The following FHAD1 variants were observed in gnomAD, a reference collection of about 807,000 sequenced individuals.
FHAD1 encodes forkhead-associated domain-containing protein 1.
Under a neutral mutation model 191.3 loss-of-function variants are expected in FHAD1, and 146 were observed. The ratio of observed to expected loss-of-function variants is 0.76; its 90% CI spans 0.67 to 0.88. The LOEUF (loss-of-function observed/expected upper bound fraction) is 0.88. FHAD1 is among the 40% of genes least tolerant of loss of function. The pLI is 0.00. For synonymous variants in FHAD1, 616 were observed against 672.3 expected, an observed-to-expected ratio of 0.92 and a Z score of 1.29; for missense variants, 1,635 against 1,785.8, an observed-to-expected ratio of 0.92 and a Z score of 1.52.
chr1:15,272,581 C>T lies in FHAD1; in HGVS notation c.300+52C>T, dbSNP rs542775831. ...GGGGCCATGTCGCCTTCGTGCAGCC[C>T]GGCGCTCGGATGCAGCTGCAGGGTG... On this transcript the variant is annotated intron_variant, in intron 3 of 33. Coordinates refer to ENST00000688493, the MANE Select transcript of FHAD1 (RefSeq NM_001391957.1). 112 of 1,488,496 alleles carry T rather than the reference C, an allele frequency of 7.5e-5. No homozygotes were observed. In the South Asian group the frequency reaches 1.2e-3, roughly 16 times the overall value. The allele number at this position is 1,488,496 out of a possible 1,614,324, so 92.2% of individuals were successfully genotyped here.
intron 20 of FHAD1, among the ~76,000 whole-genome samples, chr1:15,354,875 G>A (rs7552933): frequency 0.023 from 3,539 of 152,236 alleles, 150 homozygotes; most frequent in African/African-American, 0.081. Context: ...TCTGCAAGAA[G>A]CAACCTTCTC....
chr1:15,329,116 C>T lies in FHAD1; in HGVS notation c.1711-230C>T, dbSNP rs989918255. 7 of 392,050 alleles carry T rather than the reference C, an allele frequency of 1.8e-5. No homozygotes were observed. Among genetic ancestry groups the T allele is most frequent in the Non-Finnish European group, 2.8e-5 (6 of 217,436 alleles). 24.3% of individuals were successfully genotyped at this position (392,050 alleles called of 1,614,324 possible). A position where few individuals can be genotyped will look rare whatever the true frequency, so the allele number is the denominator to read the frequency against. ...TACTTTGGCTCTGGGGTTTCATAGACCTAAAAGGGGGTTCGCTTTGACCAT... is the reference window on the plus strand; with the variant it reads ...TACTTTGGCTCTGGGGTTTCATAGATCTAAAAGGGGGTTCGCTTTGACCAT... On this transcript the variant is annotated intron_variant, in intron 13 of 33. Coordinates refer to ENST00000688493, the MANE Select transcript of FHAD1 (RefSeq NM_001391957.1). The surrounding 1 kb of genome is among the most constrained non-coding windows in gnomAD (Gnocchi z 5.0).
intron 32 of FHAD1, among the ~76,000 whole-genome samples, chr1:15,389,183 C>T (rs1489629377): frequency 1.3e-5 from 2 of 152,082 alleles, no homozygotes; most frequent in African/African-American, 2.4e-5. Flanking sequence ...CCTACTGGTA[C>T]GCCTGTAATC....
At position 15,327,215 on chromosome 1, in the gene FHAD1, C is replaced by T; in HGVS notation, c.1557+73C>T. ...CTTCTTCGTGGATCTGGATTCCAGA[C>T]CCTGGGAGCATATGTTTCTGTTTTT... On this transcript the variant is annotated intron_variant, in intron 12 of 33. Coordinates refer to ENST00000688493, the MANE Select transcript of FHAD1 (RefSeq NM_001391957.1). This position sits in a 1 kb window ranked among gnomAD's most constrained non-coding sequence, Gnocchi z 5.1. 2.0e-6 allele frequency: 2 copies of T among 975,788 alleles called. No homozygotes were observed. The highest frequency in any genetic ancestry group is 1.5e-5 in the South Asian group (1 of 67,502). 60.4% of individuals were successfully genotyped at this position (975,788 alleles called of 1,614,324 possible). A position where few individuals can be genotyped will look rare whatever the true frequency, so the allele number is the denominator to read the frequency against.
At position 15,256,390 on chromosome 1, in the gene FHAD1, C is replaced by T. The variant is rs75024762; in HGVS notation, c.93+4513C>T. Among the ~76,000 whole-genome samples the T allele has an allele frequency of 6.5e-3, 993 of 152,176 alleles. 46 individuals carry two copies. The East Asian group carries it at 0.1, about 15-fold the overall frequency. On this transcript the variant is annotated intron_variant, in intron 2 of 33. Coordinates refer to ENST00000688493, the MANE Select transcript of FHAD1 (RefSeq NM_001391957.1). ...CCGCACAGCCAGGCACGGTGGCTCA[C>T]GCCTGTAATTCCAGTACTTTGGGAG...
chr1:15,265,072 G>T lies in FHAD1; in HGVS notation c.94-7251G>T, dbSNP rs548856230. On this transcript the variant is annotated intron_variant, in intron 2 of 33. Transcript: ENST00000688493. ...TTTAATAAGCTGTTGAATTACGTTTGCTAATATTTTGTTGAAGATTTTTGC... is the reference window on the plus strand; with the variant it reads ...TTTAATAAGCTGTTGAATTACGTTTTCTAATATTTTGTTGAAGATTTTTGC... Among the ~76,000 whole-genome samples the T allele has an allele frequency of 1.4e-4, 21 of 152,286 alleles. No homozygotes were observed. In the East Asian group the frequency reaches 3.9e-3, roughly 28 times the overall value.
Position 15,369,402 on chromosome 1 carries a change from A to G in FHAD1, c.3347A>G (p.Asn1116Ser). 1 of 1,552,022 alleles carries G rather than the reference A, an allele frequency of 6.4e-7. No individual in the cohort carries two copies. The highest frequency in any genetic ancestry group is 8.7e-7 in the Non-Finnish European group (1 of 1,147,066). Reference protein sequence around the residue: ...ASQEKHRLQLNTEKEQKPRKK... With the variant: ...ASQEKHRLQLSTEKEQKPRKK... ...CAAGAGAAACACAGACTCCAGCTGA[A>G]CACAGAGAAGGAACAGAAGCCCCGG... is the stretch of plus-strand genomic sequence containing the variant. Residue 1116 changes from asparagine (N) to serine (S), a missense_variant, in exon 26 of 34, where the codon AAC becomes AGC. Physicochemically the swap from Asn to Ser is conservative, Grantham distance 46. Coordinates refer to ENST00000688493, the MANE Select transcript of FHAD1 (RefSeq NM_001391957.1).
At chr1:15,382,234 C>T in intron 31 of FHAD1, 41 bp downstream of exon 31, 1 of 1,539,662 alleles carries the variant, frequency 6.5e-7, no homozygotes, top group Non-Finnish European at 8.8e-7. Flanking sequence ...CCAGGCTGCC[C>T]TGCAGCTCCC....
intron 9 of FHAD1, 90 bp from the exon 10 acceptor site, chr1:15,317,734 G>C: frequency 1.3e-6 from 1 of 771,720 alleles, no homozygotes; most frequent in South Asian, 1.7e-5. Flanking sequence ...TGGATGGGAT[G>C]CCAGGGGATG....
At chr1:15,321,628 T>C (rs891687106) in intron 10 of FHAD1, among the ~76,000 whole-genome samples, 1 of 152,272 alleles carries the variant, frequency 6.6e-6, no homozygotes, top group Admixed American at 6.5e-5. Flanking sequence ...ATTATGTGTT[T>C]TCTACATTTC....
chr1:15,391,054 A>G (rs1433552376), intron 32 of FHAD1, 156 bp from the exon 33 acceptor site: 1 of 270,530 alleles, frequency 3.7e-6, no homozygotes, highest in Non-Finnish European at 7.1e-6. Context: ...ATTTTTCTCA[A>G]TTTTCAGATG....
chr1:15,382,087 T>A lies in FHAD1; in HGVS notation c.4082T>A (p.Ile1361Asn). Reference sequence around the variant, plus strand: ...CAGGTGGCAAAGCTGGAGGATGATATCTACAAAGAGGCCGAAGAGAAGGCC... The same window carrying A: ...CAGGTGGCAAAGCTGGAGGATGATAACTACAAAGAGGCCGAAGAGAAGGCC... ...QSQVAKLEDD[I>N]YKEAEEKALL... is the part of the protein sequence containing the mutation. Residue 1361 changes from isoleucine (I) to asparagine (N), a missense_variant, in exon 31 of 34, where the codon ATC becomes AAC. Transcript: ENST00000688493. 1 of 1,552,072 alleles carries A rather than the reference T, an allele frequency of 6.4e-7. No individual in the cohort carries two copies. The highest frequency in any genetic ancestry group is 8.7e-7 in the Non-Finnish European group (1 of 1,147,094).
At chr1:15,363,797 T>A (rs1695561005) in intron 23 of FHAD1, 1 of 455,810 alleles carries the variant, frequency 2.2e-6, no homozygotes, top group Admixed American at 2.3e-5. Context: ...GAAACAAACG[T>A]ATGAATGGGA....
chr1:15,373,079 G>A (rs966065530), intron 26 of FHAD1, among the ~76,000 whole-genome samples: 1 of 152,318 alleles, frequency 6.6e-6, no homozygotes, highest in African/African-American at 2.4e-5. Flanking sequence ...GCATTGTTTA[G>A]CTCAGAGTTT....
At chr1:15,387,344 T>C (rs1275737587) in intron 31 of FHAD1, among the ~76,000 whole-genome samples, 1 of 152,036 alleles carries the variant, frequency 6.6e-6, no homozygotes, top group Non-Finnish European at 1.5e-5. Flanking sequence ...GGTAGATGTG[T>C]GGGATGAGAA....
At chr1:15,353,505 G>A (rs575897995) in intron 20 of FHAD1, among the ~76,000 whole-genome samples, 2 of 152,140 alleles carry the variant, frequency 1.3e-5, no homozygotes, top group South Asian at 2.1e-4. Context: ...AAGAGTTCGA[G>A]ACCAGCCTGG....
chr1:15,261,385 G>A (rs1041116408), intron 2 of FHAD1, among the ~76,000 whole-genome samples: 6 of 152,154 alleles, frequency 3.9e-5, no homozygotes, highest in African/African-American at 1.2e-4. Context: ...GTGGACACGA[G>A]GATGACTAAT....
rs1388954146 is a variant in FHAD1, at chr1:15,345,086, T to C, written c.2134T>C (p.Leu712=). The change falls in exon 17 of 34, where the codon TTG becomes CTG. Residue 712 remains leucine, a synonymous_variant. Coordinates refer to ENST00000688493, the MANE Select transcript of FHAD1 (RefSeq NM_001391957.1). The part of the protein sequence containing the change: ...IRQLTEEKAA[L]EEYITQERNR... ...AACAATGGTCATTGGTTTCCAGGCT[T>C]TGGAGGAGTACATTACTCAAGAGAG... 2 of 1,549,958 alleles carry C rather than the reference T, an allele frequency of 1.3e-6. No homozygotes were observed. The highest frequency in any genetic ancestry group is 1.7e-4 in the Middle Eastern group (1 of 5,986).
chr1:15,375,791 G>A, intron 28 of FHAD1, 61 bp downstream of exon 28: 3 of 1,465,832 alleles, frequency 2.0e-6, no homozygotes, highest in Non-Finnish European at 2.7e-6. Context: ...CCTGAGGGCA[G>A]ACACTAGCTT....
Sources: gnomAD v4.1 joint callset for allele counts (sites outside exome capture counted in the v4.1 genomes callset) on GRCh38, gnomAD v4.1.1 for gene constraint, Gnocchi (gnomAD v3.1) non-coding constraint, MANE v1.5 for transcripts, NCBI Gene and HGNC (gene_info 2026-07-23, HGNC 2026-07-21) for gene names.